Variants in PTPRM observed in about 807,000 individuals in gnomAD.
PTPRM encodes the protein protein tyrosine phosphatase receptor type M, also known as receptor-type tyrosine-protein phosphatase mu.
PTPRM carries 47 observed loss-of-function variants against 186.7 expected under a neutral mutation model. That is an observed-to-expected ratio of 0.25 (90% CI 0.20 to 0.32). PTPRM has a LOEUF of 0.32. Among genes scored for constraint, PTPRM ranks in the 10% least tolerant of loss-of-function variants. The probability of loss-of-function intolerance (pLI) is 1.00; values close to 1 mark genes in which losing one functional copy is unlikely to be tolerated. For missense variants in PTPRM, 1,494 were observed against 1,865.0 expected (o/e 0.80, Z 3.66); for synonymous variants, 668 against 674.9 (o/e 0.99, Z 0.16).
At chr18:8,184,461 G>A (rs546756994) in intron 14 of PTPRM, among the ~76,000 whole-genome samples, 4 of 152,162 alleles carry the variant, frequency 2.6e-5, no homozygotes, top group Non-Finnish European at 5.9e-5. Flanking sequence ...CAGAGGAGAC[G>A]AGTGAGATGA....
intron 14 of PTPRM, among the ~76,000 whole-genome samples, chr18:8,240,502 GAAGGA>G (rs2094406503): frequency 6.3e-5 from 2 of 31,836 alleles, no homozygotes; most frequent in Non-Finnish European, 1.2e-4. Context: ...AGAGAGAGAG[GAAGGA>G]AGGAAGGAAG....
rs144457697 is a variant in PTPRM at position 7,688,054 on chromosome 18, C to T, written c.74-86095C>T. Among the ~76,000 whole-genome samples the T allele has an allele frequency of 8.8e-3, 1,336 of 152,180 alleles. 14 individuals are homozygous for T. Among genetic ancestry groups the T allele is most frequent in the Middle Eastern group, 0.031 (9 of 292 alleles). ...GCTTCCCAAAGTGCTGGATTACAGG[C>T]ATGAGCCACTGTGCCTGGTCAAAAT... On this transcript the variant is annotated intron_variant, in intron 1 of 32. Transcript: ENST00000580170.
At chr18:8,139,943 C>T (rs1232697697) in intron 13 of PTPRM, among the ~76,000 whole-genome samples, 1 of 152,190 alleles carries the variant, frequency 6.6e-6, no homozygotes, top group Non-Finnish European at 1.5e-5. Context: ...CACTGTATTC[C>T]TTAAACAGTG....
intron 2 of PTPRM, among the ~76,000 whole-genome samples, chr18:7,870,773 T>C (rs186457501): frequency 4.3e-4 from 66 of 152,314 alleles, no homozygotes; most frequent in African/African-American, 1.6e-3. Flanking sequence ...TAGTTCAGCT[T>C]TCTCCTCTGG....
At chr18:8,378,699 G>T (rs1338143191) in intron 27 of PTPRM, among the ~76,000 whole-genome samples, 1 of 152,216 alleles carries the variant, frequency 6.6e-6, no homozygotes, top group African/African-American at 2.4e-5. Flanking sequence ...TCTGAAGGCA[G>T]ACATGGACTA....
chr18:7,686,966 T>G (rs1312729998), intron 1 of PTPRM, among the ~76,000 whole-genome samples: 1 of 152,186 alleles, frequency 6.6e-6, no homozygotes, highest in Admixed American at 6.5e-5. Context: ...CAAAAAGATT[T>G]TGACTGTTTT....
intron 7 of PTPRM, 109 bp downstream of exon 7, chr18:7,955,523 C>CCTG: frequency 7.6e-7 from 1 of 1,315,886 alleles, no homozygotes; most frequent in South Asian, 1.5e-5. Context: ...CTATCAAAAC[C>CCTG]TGCATATGAA....
intron 2 of PTPRM, among the ~76,000 whole-genome samples, chr18:7,811,531 T>A (rs569509831): frequency 2.0e-5 from 3 of 152,174 alleles, no homozygotes; most frequent in Non-Finnish European, 2.9e-5. Flanking sequence ...TTCATTTTTT[T>A]ATTTTTTTAT....
intron 1 of PTPRM, among the ~76,000 whole-genome samples, chr18:7,747,322 A>G (rs1318776949): frequency 6.6e-6 from 1 of 152,164 alleles, no homozygotes; most frequent in Non-Finnish European, 1.5e-5. Context: ...TCCACACTGG[A>G]ACAGAGAGAT....
chr18:8,381,729 A>T lies in PTPRM; in HGVS notation c.3918+1302A>T, dbSNP rs8098506. On this transcript the variant is annotated intron_variant, in intron 29 of 32. Coordinates refer to ENST00000580170, the MANE Select transcript of PTPRM (RefSeq NM_001105244.2). ...GCTTCAAAGACCCAACTCAAAATAG[A>T]ACCAAGGGTCCTGATTTTCTCACTT... Among the ~76,000 whole-genome samples the T allele has an allele frequency of 5.5e-3, 840 of 152,262 alleles. 7 individuals carry two copies. Among genetic ancestry groups the T allele is most frequent in the African/African-American group, 0.019 (797 of 41,562 alleles).
intron 22 of PTPRM, among the ~76,000 whole-genome samples, chr18:8,338,281 A>G (rs1035820733): frequency 6.6e-6 from 1 of 150,932 alleles, no homozygotes. Flanking sequence ...TATAATTTAA[A>G]AATATATATA....
intron 1 of PTPRM, among the ~76,000 whole-genome samples, chr18:7,617,772 G>A (rs1038523008): frequency 1.3e-5 from 2 of 152,152 alleles, no homozygotes; most frequent in East Asian, 1.9e-4. Context: ...ATCATCAACC[G>A]CTTGAGTTAA....
intron 2 of PTPRM, among the ~76,000 whole-genome samples, chr18:7,823,047 C>A (rs2045288575): frequency 6.6e-6 from 1 of 152,136 alleles, no homozygotes; most frequent in South Asian, 2.1e-4. Flanking sequence ...GCCACCTGTC[C>A]TCTGGGAGAC....
intron 1 of PTPRM, among the ~76,000 whole-genome samples, chr18:7,581,435 C>A (rs1598453491): frequency 6.6e-6 from 1 of 152,274 alleles, no homozygotes; most frequent in South Asian, 2.1e-4. Context: ...CAGCAAACTG[C>A]CAGAGCATTC....
At chr18:8,353,354 T>C (rs1339623837) in intron 23 of PTPRM, among the ~76,000 whole-genome samples, 1 of 152,190 alleles carries the variant, frequency 6.6e-6, no homozygotes, top group Non-Finnish European at 1.5e-5. Context: ...CGTGTTCTAA[T>C]TGGTATTGAA....
chr18:7,623,817 G>A (rs1369995618), intron 1 of PTPRM, among the ~76,000 whole-genome samples: 1 of 152,108 alleles, frequency 6.6e-6, no homozygotes, highest in African/African-American at 2.4e-5. Context: ...AGGTGGCATT[G>A]TTCCTCCTAA....
chr18:7,845,541 T>C (rs1211370524), intron 2 of PTPRM, among the ~76,000 whole-genome samples: 1 of 152,236 alleles, frequency 6.6e-6, no homozygotes, highest in African/African-American at 2.4e-5. Context: ...TAAAAATTTT[T>C]CGATACACTG....
Position 8,193,213 on chromosome 18 carries a change from G to A in PTPRM, c.2300+49434G>A, listed in dbSNP as rs533739114. On this transcript the variant is annotated intron_variant, in intron 14 of 32. Coordinates refer to ENST00000580170, the MANE Select transcript of PTPRM (RefSeq NM_001105244.2). ...AGATATTGAGAAACAGCAAGAGAAA[G>A]CCAATGTTAACAACTGCTGGAACCA... Among the ~76,000 whole-genome samples the A allele has an allele frequency of 2.2e-4, 33 of 152,276 alleles. 1 individual carries two copies. The South Asian group carries it at 6.6e-3, about 31-fold the overall frequency.
At chr18:8,107,452 C>A (rs571291481) in intron 11 of PTPRM, among the ~76,000 whole-genome samples, 34 of 152,326 alleles carry the variant, frequency 2.2e-4, no homozygotes, top group African/African-American at 8.2e-4. Flanking sequence ...TCATATTTCT[C>A]ACCCAACCTT....
Sources: gnomAD v4.1 joint callset for allele counts (sites outside exome capture counted in the v4.1 genomes callset) on GRCh38, gnomAD v4.1.1 for gene constraint, MANE v1.5 for transcripts, NCBI Gene and HGNC (gene_info 2026-07-23, HGNC 2026-07-21) for gene names.